Variants in PCCA observed in about 807,000 individuals in gnomAD.
PCCA encodes the protein propionyl-CoA carboxylase alpha chain, mitochondrial.
PCCA carries 74 observed loss-of-function variants against 101.3 expected under a neutral mutation model. The ratio of observed to expected loss-of-function variants is 0.73; its 90% CI spans 0.61 to 0.89. PCCA has a LOEUF of 0.89. PCCA is among the 40% of genes least tolerant of loss of function. The pLI is 0.00. For synonymous variants in PCCA, 294 were observed against 313.6 expected (o/e 0.94, Z 0.66); for missense variants, 891 against 907.0 (o/e 0.98, Z 0.23).
chr13:100,515,302 A>G, intron 21 of PCCA, 125 bp from the exon 22 acceptor site: 1 of 825,006 alleles, frequency 1.2e-6, no homozygotes, highest in Non-Finnish European at 2.0e-6. Flanking sequence ...ATTGAGAACC[A>G]TTTGAATTTA....
intron 7 of PCCA, among the ~76,000 whole-genome samples, chr13:100,220,132 C>T (rs1017592531): frequency 6.6e-6 from 1 of 152,130 alleles, no homozygotes; most frequent in Non-Finnish European, 1.5e-5. Flanking sequence ...AAGAGCCCAC[C>T]CTGGAAGTCT....
intron 21 of PCCA, among the ~76,000 whole-genome samples, chr13:100,453,331 T>G (rs1409111652): frequency 6.6e-6 from 1 of 151,980 alleles, no homozygotes; most frequent in Non-Finnish European, 1.5e-5. Flanking sequence ...TGAAACCCTG[T>G]TTCTACTAAA....
chr13:100,480,579 C>T (rs923088305), intron 21 of PCCA, among the ~76,000 whole-genome samples: 5 of 152,122 alleles, frequency 3.3e-5, no homozygotes, highest in Admixed American at 6.6e-5. Context: ...GGATAAAGGA[C>T]GTGACTTCCA....
intron 6 of PCCA, among the ~76,000 whole-genome samples, chr13:100,159,063 C>G (rs7998989): frequency 0.38 from 49,514 of 131,558 alleles, 10,055 homozygotes; most frequent in East Asian, 0.73. Flanking sequence ...TGCATTTTTT[C>G]AGTTATTAAA....
At chr13:100,103,893 C>T (rs1456319754) in intron 2 of PCCA, among the ~76,000 whole-genome samples, 2 of 152,212 alleles carry the variant, frequency 1.3e-5, no homozygotes, top group Admixed American at 6.5e-5. Flanking sequence ...GCCTCGAGCT[C>T]CCAAAGTGCT....
chr13:100,423,868 C>T (rs1226051437), intron 19 of PCCA, among the ~76,000 whole-genome samples: 4 of 152,196 alleles, frequency 2.6e-5, no homozygotes, highest in South Asian at 4.1e-4. Context: ...ATGGGGAGAA[C>T]GTAGACTCAC....
At chr13:100,119,227 A>G (rs1036149155) in intron 4 of PCCA, among the ~76,000 whole-genome samples, 5 of 152,052 alleles carry the variant, frequency 3.3e-5, no homozygotes, top group African/African-American at 7.2e-5. Context: ...TATTTTTAGC[A>G]TATTTAATTT....
At chr13:100,328,604 T>A (rs2069030224) in intron 16 of PCCA, among the ~76,000 whole-genome samples, 1 of 151,464 alleles carries the variant, frequency 6.6e-6, no homozygotes, top group Non-Finnish European at 1.5e-5. Context: ...TCCTCCATAT[T>A]TTCTACTGTA....
rs1431176397 is a variant in PCCA, at chr13:100,089,137, T to G, written c.17T>G (p.Val6Gly). 3 of 1,509,736 alleles carry G rather than the reference T, an allele frequency of 2.0e-6. No homozygotes were observed. Among genetic ancestry groups the G allele is most frequent in the Non-Finnish European group, 2.7e-6 (3 of 1,127,766 alleles). 93.5% of individuals were successfully genotyped at this position (1,509,736 alleles called of 1,614,324 possible). MAGFW[V>G]GTAPLVAAGR... The stretch of plus-strand genomic sequence containing the variant: ...GGGACAACAATGGCGGGGTTCTGGG[T>G]CGGGACAGCACCGCTGGTCGCTGCC... The change falls in exon 1 of 24, where the codon GTC becomes GGC. Residue 6 changes from valine (V) to glycine (G), a missense_variant. Coordinates refer to ENST00000376285, the MANE Select transcript of PCCA (RefSeq NM_000282.4).
chr13:100,343,292 G>A (rs1359275219), intron 18 of PCCA, among the ~76,000 whole-genome samples: 1 of 151,830 alleles, frequency 6.6e-6, no homozygotes, highest in East Asian at 1.9e-4. Context: ...TGGCACATAA[G>A]TTCATGATAA....
chr13:100,313,692 A>C (rs1023667857), intron 16 of PCCA, among the ~76,000 whole-genome samples: 5 of 152,200 alleles, frequency 3.3e-5, no homozygotes, highest in African/African-American at 1.2e-4. Flanking sequence ...TTTACAGTTA[A>C]AGTATAAATT....
chr13:100,343,288 A>G (rs984760558), intron 18 of PCCA, among the ~76,000 whole-genome samples: 6 of 151,872 alleles, frequency 4.0e-5, no homozygotes, highest in East Asian at 1.9e-4. Flanking sequence ...TGAATGGCAC[A>G]TAAGTTCATG....
At chr13:100,520,423 G>A (rs1007379951) in intron 22 of PCCA, among the ~76,000 whole-genome samples, 3 of 151,996 alleles carry the variant, frequency 2.0e-5, no homozygotes, top group African/African-American at 2.4e-5. Flanking sequence ...CGAGGCGGGC[G>A]GATCACGAGG....
At chr13:100,483,208 A>G (rs917908314) in intron 21 of PCCA, among the ~76,000 whole-genome samples, 51 of 152,192 alleles carry the variant, frequency 3.4e-4, no homozygotes, top group South Asian at 6.2e-4. Context: ...ATCTGAAGAA[A>G]TACCATCTAA....
chr13:100,367,906 C>T (rs948005719), intron 18 of PCCA, among the ~76,000 whole-genome samples: 4 of 151,118 alleles, frequency 2.6e-5, no homozygotes, highest in Non-Finnish European at 4.4e-5. Context: ...TGCAGTGAGC[C>T]GAAATCGCAC....
intron 6 of PCCA, among the ~76,000 whole-genome samples, chr13:100,162,112 C>G (rs191345117): frequency 7.8e-5 from 11 of 140,244 alleles, no homozygotes; most frequent in Non-Finnish European, 1.6e-4. Flanking sequence ...GTGTGTGTGT[C>G]TGTCTGTCTG....
rs1057520932 is a variant in PCCA at position 100,157,278 on chromosome 13, A to G, written c.415-9A>G. On this transcript the variant is annotated splice_polypyrimidine_tract_variant and intron_variant, in intron 5 of 23. Coordinates refer to ENST00000376285, the MANE Select transcript of PCCA (RefSeq NM_000282.4). ...AAAATTGAAAGTGCTTTTTGCTTTC[A>G]TTTCTAAGGTACATCCAGGTTATGG... is the stretch of plus-strand genomic sequence containing the variant. The G allele has an allele frequency of 6.9e-6, 11 of 1,604,278 alleles. No individual in the cohort carries two copies. In the Admixed American group the frequency reaches 1.0e-4, roughly 15 times the overall value.
intron 4 of PCCA, among the ~76,000 whole-genome samples, chr13:100,148,840 T>C (rs1006596098): frequency 6.6e-6 from 1 of 152,176 alleles, no homozygotes; most frequent in African/African-American, 2.4e-5. Flanking sequence ...ATTCTCTTTT[T>C]TTCCTGTAGT....
intron 20 of PCCA, among the ~76,000 whole-genome samples, chr13:100,426,383 TG>T (rs1169913284): frequency 6.6e-6 from 1 of 151,826 alleles, no homozygotes; most frequent in Non-Finnish European, 1.5e-5. Context: ...TCATGGAACA[TG>T]TGGCTATCAC....
Sources: allele counts gnomAD v4.1 joint callset (sites outside exome capture counted in the v4.1 genomes callset), GRCh38; gene constraint gnomAD v4.1.1; transcripts MANE v1.5; gene names NCBI Gene and HGNC (gene_info 2026-07-23, HGNC 2026-07-21).